Variants in RPH3A observed in about 807,000 individuals in gnomAD.
RPH3A encodes the protein rabphilin 3A, also known as rabphilin-3A.
A neutral mutation model predicts 102.2 loss-of-function variants in RPH3A; 48 were observed. The ratio of observed to expected loss-of-function variants is 0.47; its 90% CI spans 0.37 to 0.60. The LOEUF (loss-of-function observed/expected upper bound fraction) is 0.60. Ranked by LOEUF, RPH3A falls within the 20% of genes least tolerant of loss-of-function variation. The pLI is 0.00. For missense variants in RPH3A, 781 were observed against 910.1 expected (o/e 0.86, Z 1.83); for synonymous variants, 310 against 324.3 (o/e 0.96, Z 0.47).
chr12:112,724,987 G>A (rs1208118485), intron 1 of RPH3A, among the ~76,000 whole-genome samples: 1 of 149,380 alleles, frequency 6.7e-6, no homozygotes, highest in Non-Finnish European at 1.5e-5. Context: ...ATTGGCTCAT[G>A]CCTGTAATCC....
At chr12:112,846,846 C>T (rs544965871) in intron 4 of RPH3A, among the ~76,000 whole-genome samples, 43 of 152,294 alleles carry the variant, frequency 2.8e-4, no homozygotes, top group South Asian at 1.9e-3. Context: ...GAACCATTGC[C>T]GGGGCCACAG....
At chr12:112,734,307 T>C (rs1448055363) in intron 1 of RPH3A, among the ~76,000 whole-genome samples, 1 of 152,254 alleles carries the variant, frequency 6.6e-6, no homozygotes, top group African/African-American at 2.4e-5. Flanking sequence ...GGCTCTACCC[T>C]ATAACCTAAG....
At chr12:112,893,099 C>T (rs1396149195) in intron 19 of RPH3A, 2 of 152,018 alleles carry the variant, frequency 1.3e-5, no homozygotes, top group Admixed American at 6.6e-5. Context: ...TCTCTACCAC[C>T]CCCTCCCCCA....
chr12:112,869,736 T>C, intron 8 of RPH3A, 23 bp from the exon 9 acceptor site: 1 of 1,613,782 alleles, frequency 6.2e-7, no homozygotes, highest in South Asian at 1.1e-5. Flanking sequence ...GTACTCCTCA[T>C]AATTTGTGTT....
chr12:112,666,844 C>A (rs999779435), intron 1 of RPH3A, among the ~76,000 whole-genome samples: 4 of 152,172 alleles, frequency 2.6e-5, no homozygotes, highest in African/African-American at 9.7e-5. Context: ...GTCATTGTTA[C>A]CATATGTTCA....
At chr12:112,849,959 T>C (rs1593080020) in intron 5 of RPH3A, among the ~76,000 whole-genome samples, 1 of 152,192 alleles carries the variant, frequency 6.6e-6, no homozygotes, top group Non-Finnish European at 1.5e-5. Flanking sequence ...GGGGAGGTCC[T>C]TGTGGACTGA....
chr12:112,722,524 G>T (rs1482391195), intron 1 of RPH3A, among the ~76,000 whole-genome samples: 2 of 152,198 alleles, frequency 1.3e-5, no homozygotes, highest in Admixed American at 6.5e-5. Context: ...TTGTTGGTGG[G>T]CATCAATATA....
intron 1 of RPH3A, among the ~76,000 whole-genome samples, chr12:112,599,771 TA>T (rs1350046227): frequency 6.6e-6 from 1 of 152,076 alleles, no homozygotes; most frequent in Non-Finnish European, 1.5e-5. Flanking sequence ...TAACTGATAT[TA>T]AAAAAAAGTT....
intron 1 of RPH3A, among the ~76,000 whole-genome samples, chr12:112,774,416 A>T (rs1475934733): frequency 6.6e-6 from 1 of 152,202 alleles, no homozygotes; most frequent in Non-Finnish European, 1.5e-5. Flanking sequence ...AGTGTCCTGG[A>T]TATAGATGAG....
intron 2 of RPH3A, among the ~76,000 whole-genome samples, chr12:112,797,696 A>AT (rs553608207): frequency 0.036 from 5,213 of 146,636 alleles, 176 homozygotes; most frequent in East Asian, 0.16. Context: ...GAAAAAAAAA[A>AT]TTTTTTTTTT....
intron 1 of RPH3A, among the ~76,000 whole-genome samples, chr12:112,780,048 G>T (rs1012038682): frequency 2.0e-5 from 3 of 152,148 alleles, no homozygotes; most frequent in African/African-American, 7.2e-5. Context: ...TCTTCAGAGC[G>T]AACACGGCCC....
chr12:112,714,566 TTTGA>T (rs2040501738), intron 1 of RPH3A, among the ~76,000 whole-genome samples: 1 of 152,152 alleles, frequency 6.6e-6, no homozygotes, highest in Non-Finnish European at 1.5e-5. Flanking sequence ...ATAAGAGGCA[TTTGA>T]TTGAGTTGCT....
intron 3 of RPH3A, among the ~76,000 whole-genome samples, chr12:112,834,494 C>T (rs1000940390): frequency 1.9e-4 from 29 of 152,114 alleles, no homozygotes; most frequent in Admixed American, 1.4e-3. Flanking sequence ...TGGTGGATGC[C>T]GGTTTAACTT....
intron 4 of RPH3A, chr12:112,837,733 A>G (rs1413069836): frequency 4.4e-6 from 2 of 455,820 alleles, no homozygotes; most frequent in Admixed American, 4.7e-5. Context: ...ACAAATATGA[A>G]CATCACCAGA....
chr12:112,881,109 G>A (rs906714349), intron 14 of RPH3A, among the ~76,000 whole-genome samples: 2 of 152,148 alleles, frequency 1.3e-5, no homozygotes, highest in African/African-American at 4.8e-5. Context: ...GAGGGATGAC[G>A]GGAGCCCAGA....
chr12:112,734,064 C>T (rs2040652178), intron 1 of RPH3A, among the ~76,000 whole-genome samples: 1 of 152,056 alleles, frequency 6.6e-6, no homozygotes, highest in African/African-American at 2.4e-5. Context: ...AAAACGAGGT[C>T]CAAAGGGGGA....
At chr12:112,676,983 G>A (rs2040179879) in intron 1 of RPH3A, among the ~76,000 whole-genome samples, 2 of 152,210 alleles carry the variant, frequency 1.3e-5, no homozygotes, top group Admixed American at 6.5e-5. Context: ...GATTTCTCCT[G>A]TGTGAGGTTC....
chr12:112,712,768 G>A (rs2040471731), intron 1 of RPH3A, among the ~76,000 whole-genome samples: 1 of 151,964 alleles, frequency 6.6e-6, no homozygotes, highest in African/African-American at 2.4e-5. Context: ...CTGGAGTGCA[G>A]TGGTGTGATC....
In RPH3A at chr12:112,791,912, G is replaced by A. The variant is rs934975092; in HGVS notation, c.-240G>A. On this transcript the variant is annotated 5_prime_UTR_variant, in exon 1 of 22. Transcript: ENST00000389385. ...AGAGAGAGAGAGAGAGAGACTCACA[G>A]AGCTAAAACCTTCATCCATGTGGAG... 2 of 151,098 alleles carry A rather than the reference G, an allele frequency of 1.3e-5. No individual in the cohort carries two copies. The highest frequency in any genetic ancestry group is 3.2e-3 in the Middle Eastern group (1 of 314). 9.4% of individuals were successfully genotyped at this position (151,098 alleles called of 1,614,324 possible). A position where few individuals can be genotyped will look rare whatever the true frequency, so the allele number is the denominator to read the frequency against.
Sources: gnomAD v4.1 joint callset for allele counts (sites outside exome capture counted in the v4.1 genomes callset) on GRCh38, gnomAD v4.1.1 for gene constraint, MANE v1.5 for transcripts, NCBI Gene and HGNC (gene_info 2026-07-23, HGNC 2026-07-21) for gene names.